Variants in PLAGL1 observed in about 807,000 individuals in gnomAD.
PLAGL1 encodes zinc finger protein PLAGL1.
A neutral mutation model predicts 4.6 loss-of-function variants in PLAGL1; 1 was observed. The observed-to-expected ratio is 0.22, with a 90% confidence interval of 0.08 to 1.03. The LOEUF (loss-of-function observed/expected upper bound fraction) is 1.03, where lower values mean the gene tolerates loss of function less well. Ranked by LOEUF, PLAGL1 falls within the 50% of genes least tolerant of loss-of-function variation. PLAGL1 has a pLI of 0.58. For missense variants in PLAGL1, 464 were observed against 570.4 expected (o/e 0.81, Z 1.90); for synonymous variants, 240 against 237.8 (o/e 1.01, Z -0.08).
chr6:144,051,843 C>T (rs1461496676), intron 1 of PLAGL1, among the ~76,000 whole-genome samples: 1 of 152,148 alleles, frequency 6.6e-6, no homozygotes, highest in Non-Finnish European at 1.5e-5. Context: ...GCAGGAAAGA[C>T]CCTCCCCCAT....
chr6:143,944,877 C>T (rs1779425444), intron 7 of PLAGL1, among the ~76,000 whole-genome samples: 1 of 150,720 alleles, frequency 6.6e-6, no homozygotes. Flanking sequence ...TTATAGAGGA[C>T]TTTCATCTGA....
chr6:144,043,612 T>C (rs767970339), intron 1 of PLAGL1, among the ~76,000 whole-genome samples: 16 of 152,230 alleles, frequency 1.1e-4, no homozygotes, highest in Non-Finnish European at 2.2e-4. Flanking sequence ...TCGATGTTCA[T>C]CAGGGATATT....
Position 143,961,885 on chromosome 6 carries a change from T to C in PLAGL1, c.-398-1343A>G, listed in dbSNP as rs1213828367. Among the ~76,000 whole-genome samples the C allele has an allele frequency of 6.6e-6, 1 of 152,200 alleles. No homozygotes were observed. The highest frequency in any genetic ancestry group is 1.5e-5 in the Non-Finnish European group (1 of 68,024). ...GGTTCTTCTGCTTCCCAGGAAAGGG[T>C]GCACATAACGTGAGGTACGCAAACC... is the stretch of plus-strand genomic sequence containing the variant. On this transcript the variant is annotated intron_variant, in intron 5 of 7. Coordinates refer to ENST00000674357, the MANE Select transcript of PLAGL1 (RefSeq NM_001317162.2). This position sits in a 1 kb window ranked among gnomAD's most constrained non-coding sequence, Gnocchi z 6.5.
intron 1 of PLAGL1, among the ~76,000 whole-genome samples, chr6:143,998,314 G>A (rs2128648297): frequency 1.3e-5 from 2 of 152,260 alleles, no homozygotes; most frequent in East Asian, 3.9e-4. Flanking sequence ...AAATGCTTCT[G>A]TTCATAATTT....
intron 1 of PLAGL1, among the ~76,000 whole-genome samples, chr6:144,051,094 A>G (rs963395292): frequency 2.0e-5 from 3 of 152,224 alleles, no homozygotes; most frequent in African/African-American, 7.2e-5. Context: ...ATATGTAACA[A>G]CTTAAAATCT....
chr6:144,025,817 C>T (rs776831281), intron 1 of PLAGL1, among the ~76,000 whole-genome samples: 8 of 151,974 alleles, frequency 5.3e-5, no homozygotes, highest in South Asian at 2.1e-4. Flanking sequence ...CGCTTGAACC[C>T]GGGAGGTGGA....
chr6:144,023,576 G>A (rs367731703), intron 1 of PLAGL1, among the ~76,000 whole-genome samples: 14 of 152,220 alleles, frequency 9.2e-5, no homozygotes, highest in East Asian at 1.9e-4. Context: ...GTTGTTTCCC[G>A]TGGGGGTACA....
intron 1 of PLAGL1, among the ~76,000 whole-genome samples, chr6:143,998,550 T>C (rs1305396334): frequency 6.6e-6 from 1 of 152,178 alleles, no homozygotes; most frequent in African/African-American, 2.4e-5. Context: ...TGGTAGCTAT[T>C]TGGCAATAGC....
chr6:143,964,880 A>C lies in PLAGL1; in HGVS notation c.-430-62T>G, dbSNP rs1007684244. ...TCTTTATCTTGAGCTCTGAATTGCT[A>C]AAACAAACAAAAACACCCAAGTGGG... On this transcript the variant is annotated intron_variant, in intron 4 of 7. Coordinates refer to ENST00000674357, the MANE Select transcript of PLAGL1 (RefSeq NM_001317162.2). This position sits in a 1 kb window ranked among gnomAD's most constrained non-coding sequence, Gnocchi z 4.3. 6 of 152,266 alleles carry C rather than the reference A, an allele frequency of 3.9e-5. No individual in the cohort carries two copies. The highest frequency in any genetic ancestry group is 1.4e-4 in the African/African-American group (6 of 41,448). The allele number at this position is 152,266 out of a possible 1,614,324, so 9.4% of individuals were successfully genotyped here. A position where few individuals can be genotyped will look rare whatever the true frequency, so the allele number is the denominator to read the frequency against.
intron 1 of PLAGL1, among the ~76,000 whole-genome samples, chr6:144,028,922 C>T (rs187655267): frequency 7.5e-4 from 114 of 152,092 alleles, no homozygotes; most frequent in African/African-American, 2.5e-3. Context: ...AGTAATTAAT[C>T]TGCCTTCCAT....
chr6:144,018,362 G>A (rs1029987078), intron 1 of PLAGL1, among the ~76,000 whole-genome samples: 2 of 152,158 alleles, frequency 1.3e-5, no homozygotes, highest in African/African-American at 4.8e-5. Context: ...TAGAATGCTG[G>A]TTACCAGGGG....
In PLAGL1 at chr6:143,963,870, A is replaced by G. The variant is rs1437966391; in HGVS notation, c.-399+917T>C. Reference sequence around the variant, plus strand: ...GAATTTTACTTTGTTTGAATTCCCAATGATTCTCCTTTCTAGCTCATTTAA... The same window carrying G: ...GAATTTTACTTTGTTTGAATTCCCAGTGATTCTCCTTTCTAGCTCATTTAA... On this transcript the variant is annotated intron_variant, in intron 5 of 7. Coordinates refer to ENST00000674357, the MANE Select transcript of PLAGL1 (RefSeq NM_001317162.2). The surrounding 1 kb of genome is among the most constrained non-coding windows in gnomAD (Gnocchi z 6.1). Among the ~76,000 whole-genome samples the G allele has an allele frequency of 6.6e-6, 1 of 152,218 alleles. No individual in the cohort carries two copies. Among genetic ancestry groups the G allele is most frequent in the Non-Finnish European group, 1.5e-5 (1 of 68,034 alleles).
rs1205370165 is a variant in PLAGL1 at position 143,962,043 on chromosome 6, A to G, written c.-398-1501T>C. ...CAGGAGCTTATTCTTAAGCTGTTCA[A>G]TGTAAGCAGCACTCGTGAAAGAGGA... On this transcript the variant is annotated intron_variant, in intron 5 of 7. Coordinates refer to ENST00000674357, the MANE Select transcript of PLAGL1 (RefSeq NM_001317162.2). The surrounding 1 kb of genome is among the most constrained non-coding windows in gnomAD (Gnocchi z 5.3). Among the ~76,000 whole-genome samples the G allele has an allele frequency of 6.6e-6, 1 of 152,216 alleles. No homozygotes were observed. Among genetic ancestry groups the G allele is most frequent in the Non-Finnish European group, 1.5e-5 (1 of 68,036 alleles).
rs1409882998 is a variant in PLAGL1 at position 143,995,479 on chromosome 6, A to G, written c.-583-10305T>C. Among the ~76,000 whole-genome samples, 3 of 152,198 alleles carry G rather than the reference A, an allele frequency of 2.0e-5. No individual in the cohort carries two copies. The highest frequency in any genetic ancestry group is 4.4e-5 in the Non-Finnish European group (3 of 68,034). ...AACATGATTCTAAACTACATAATTT[A>G]AACAGATTTCTATACTTTGTATTTA... On this transcript the variant is annotated intron_variant, in intron 1 of 7. Transcript: ENST00000674357. The surrounding 1 kb of genome is among the most constrained non-coding windows in gnomAD (Gnocchi z 4.4).
At chr6:144,020,820 T>C (rs1795915562) in intron 1 of PLAGL1, among the ~76,000 whole-genome samples, 1 of 145,824 alleles carries the variant, frequency 6.9e-6, no homozygotes, top group Non-Finnish European at 1.5e-5. Flanking sequence ...ATTTATATAT[T>C]ATATTATATA....
intron 1 of PLAGL1, among the ~76,000 whole-genome samples, chr6:144,031,465 G>A (rs1449166886): frequency 6.6e-6 from 1 of 152,112 alleles, no homozygotes. Flanking sequence ...TTATCTTCTA[G>A]AACTTTTACA....
intron 1 of PLAGL1, among the ~76,000 whole-genome samples, chr6:143,986,183 G>A (rs942892455): frequency 1.3e-5 from 2 of 151,250 alleles, no homozygotes; most frequent in African/African-American, 4.9e-5. Context: ...CATCCCTCAA[G>A]GAAACCCATG....
Position 144,013,990 on chromosome 6 carries a change from T to G in PLAGL1, c.-150-45012A>C, listed in dbSNP as rs1163337987. ...ACATGGGCAAAATCCATGTCAGCTT[T>G]GCTATAGAAATTGACAAGCTGATTC... On this transcript the variant is annotated intron_variant, in intron 1 of 3. Coordinates refer to the PLAGL1 transcript ENST00000437412. The surrounding 1 kb of genome is among the most constrained non-coding windows in gnomAD (Gnocchi z 4.4). Among the ~76,000 whole-genome samples, 1 of 152,158 alleles carries G rather than the reference T, an allele frequency of 6.6e-6. No individual in the cohort carries two copies. Among genetic ancestry groups the G allele is most frequent in the Non-Finnish European group, 1.5e-5 (1 of 68,036 alleles).
At chr6:144,009,248 CTTTA>C (rs1302962616), upstream of PLAGL1, among the ~76,000 whole-genome samples, 1 of 152,210 alleles carries the variant, frequency 6.6e-6, no homozygotes, top group African/African-American at 2.4e-5. Context: ...TGCTCTGCAA[CTTTA>C]TTTTTCCAGA....
Sources: allele counts gnomAD v4.1 joint callset (sites outside exome capture counted in the v4.1 genomes callset), GRCh38; gene constraint gnomAD v4.1.1; non-coding constraint Gnocchi (gnomAD v3.1); transcripts MANE v1.5; gene names NCBI Gene and HGNC (gene_info 2026-07-23, HGNC 2026-07-21).